PCDH15: variants seen among roughly 807,000 people sequenced by gnomAD.
PCDH15 encodes the protein protocadherin-15.
Under a neutral mutation model 178.5 loss-of-function variants are expected in PCDH15, and 129 were observed. That is an observed-to-expected ratio of 0.72 (90% confidence interval 0.63 to 0.84). The LOEUF (loss-of-function observed/expected upper bound fraction) is 0.84. Ranked by LOEUF, PCDH15 falls within the 40% of genes least tolerant of loss-of-function variation. The pLI, the probability that PCDH15 is intolerant of heterozygous loss-of-function variation, is 0.00. For missense variants in PCDH15, 2,230 were observed against 2,099.9 expected (o/e 1.06, Z -1.21); for synonymous variants, 800 against 732.0 (o/e 1.09, Z -1.50).
At chr10:54,078,787 AG>A (rs1244352292) in intron 17 of PCDH15, among the ~76,000 whole-genome samples, 2 of 152,096 alleles carry the variant, frequency 1.3e-5, no homozygotes, top group African/African-American at 4.8e-5. Context: ...TTAGGTCCAA[AG>A]GAAATAGAAT....
chr10:55,595,290 G>A (rs1289510795), intron 2 of PCDH15, among the ~76,000 whole-genome samples: 2 of 151,900 alleles, frequency 1.3e-5, no homozygotes, highest in African/African-American at 4.8e-5. Context: ...TGGTAGGTGA[G>A]AGTCTATTTC....
chr10:55,200,780 G>A (rs1840223592), intron 1 of PCDH15, among the ~76,000 whole-genome samples: 1 of 152,040 alleles, frequency 6.6e-6, no homozygotes, highest in South Asian at 2.1e-4. Context: ...ATGAGATTTG[G>A]TTGTTTGAAA....
At chr10:55,346,341 C>A (rs180824135) in intron 2 of PCDH15, among the ~76,000 whole-genome samples, 1 of 152,258 alleles carries the variant, frequency 6.6e-6, no homozygotes, top group African/African-American at 2.4e-5. Context: ...CTGAATCTTT[C>A]TCCTACAATC....
chr10:54,891,788 G>A (rs1302699983), intron 3 of PCDH15, among the ~76,000 whole-genome samples: 1 of 152,124 alleles, frequency 6.6e-6, no homozygotes, highest in East Asian at 1.9e-4. Context: ...GCAAGGACAG[G>A]TGGTTTTGAA....
At position 54,090,043 on chromosome 10, in the gene PCDH15, G is replaced by T; in HGVS notation, c.1938C>A (p.Asp646Glu). ...LNLQATDREG[D>E]SITYAIENGD... ...CATTCTCAATGGCATATGTTATTGA[G>T]TCTCCCTCTCGATCAGTTGCCTTCA... Residue 646 changes from aspartate to glutamate, a missense_variant, in exon 16 of 38, where the codon GAC (aspartate) becomes GAA (glutamate). By Grantham distance (45) the Asp-to-Glu change is conservative. Coordinates refer to ENST00000644397, the MANE Select transcript of PCDH15 (RefSeq NM_001384140.1). 1 of 1,612,008 alleles carries T rather than the reference G, an allele frequency of 6.2e-7. No homozygotes were observed. Among genetic ancestry groups the T allele is most frequent in the South Asian group, 1.1e-5 (1 of 91,060 alleles).
chr10:54,900,860 C>T (rs1380641710), intron 2 of PCDH15, among the ~76,000 whole-genome samples: 4 of 152,084 alleles, frequency 2.6e-5, no homozygotes, highest in African/African-American at 4.8e-5. Flanking sequence ...AAGCTCTCCC[C>T]TTTATCTTGT....
At chr10:54,515,315 C>G (rs950912955) in intron 3 of PCDH15, among the ~76,000 whole-genome samples, 2 of 152,342 alleles carry the variant, frequency 1.3e-5, no homozygotes, top group South Asian at 2.1e-4. Flanking sequence ...AAACGGCACA[C>G]CAGGAGATTA....
intron 2 of PCDH15, among the ~76,000 whole-genome samples, chr10:55,414,528 T>G (rs1838427026): frequency 6.6e-6 from 1 of 151,676 alleles, no homozygotes; most frequent in South Asian, 2.1e-4. Flanking sequence ...GAATACGTTT[T>G]TACTTATTTA....
intron 19 of PCDH15, among the ~76,000 whole-genome samples, chr10:54,021,353 G>A (rs540164371): frequency 2.6e-4 from 39 of 151,990 alleles, no homozygotes; most frequent in African/African-American, 9.2e-4. Context: ...CTCAGCCTTG[G>A]TCTCCTCCAA....
At chr10:54,826,588 GA>G (rs1230463191) in intron 3 of PCDH15, among the ~76,000 whole-genome samples, 2 of 151,728 alleles carry the variant, frequency 1.3e-5, no homozygotes, top group Non-Finnish European at 2.9e-5. Flanking sequence ...AAAGGAGTTG[GA>G]AAATCTAATT....
chr10:54,075,301 C>T (rs183589042), intron 17 of PCDH15, among the ~76,000 whole-genome samples: 46 of 152,002 alleles, frequency 3.0e-4, no homozygotes, highest in African/African-American at 9.9e-4. Context: ...GGCCTGAACC[C>T]GGGAGGCGGA....
At chr10:55,184,464 A>T (rs1190806015) in intron 1 of PCDH15, among the ~76,000 whole-genome samples, 2 of 152,000 alleles carry the variant, frequency 1.3e-5, no homozygotes, top group African/African-American at 4.8e-5. Flanking sequence ...ACTCCCCAAA[A>T]ATGCATTTAT....
chr10:55,519,089 G>A (rs1433781076), intron 2 of PCDH15, among the ~76,000 whole-genome samples: 10 of 69,450 alleles, frequency 1.4e-4, no homozygotes, highest in African/African-American at 6.3e-4. Context: ...GTGAGATTTC[G>A]TCTCAAAAAA....
At chr10:53,871,295 C>G (rs1285371413) in intron 26 of PCDH15, among the ~76,000 whole-genome samples, 2 of 151,960 alleles carry the variant, frequency 1.3e-5, no homozygotes, top group African/African-American at 4.8e-5. Context: ...GAGCCAAGAT[C>G]GCGCCACAGC....
intron 1 of PCDH15, among the ~76,000 whole-genome samples, chr10:55,286,028 A>G (rs1275614232): frequency 6.6e-6 from 1 of 151,996 alleles, no homozygotes; most frequent in Non-Finnish European, 1.5e-5. Context: ...AACAGCTGTG[A>G]TGATAAATCT....
At chr10:54,839,278 A>G (rs558919903) in intron 3 of PCDH15, among the ~76,000 whole-genome samples, 1 of 152,276 alleles carries the variant, frequency 6.6e-6, no homozygotes, top group African/African-American at 2.4e-5. Context: ...TGAAGAAAAA[A>G]CAATCCATAA....
chr10:55,604,702 A>G (rs1196302377), intron 2 of PCDH15, among the ~76,000 whole-genome samples: 2 of 145,300 alleles, frequency 1.4e-5, no homozygotes, highest in Non-Finnish European at 3.0e-5. Flanking sequence ...ACCAACGAGA[A>G]CAAAGACACA....
intron 1 of PCDH15, among the ~76,000 whole-genome samples, chr10:55,308,316 T>C (rs559221910): frequency 4.5e-4 from 69 of 152,132 alleles, no homozygotes; most frequent in Non-Finnish European, 7.2e-4. Flanking sequence ...AACTAGAGAA[T>C]GGAAGTTGGC....
At chr10:55,254,533 T>C (rs1039223675) in intron 1 of PCDH15, among the ~76,000 whole-genome samples, 14 of 152,150 alleles carry the variant, frequency 9.2e-5, no homozygotes, top group African/African-American at 3.1e-4. Flanking sequence ...AGGATTCAAT[T>C]GAACAGAAGT....
Sources: gnomAD v4.1 joint callset for allele counts (sites outside exome capture counted in the v4.1 genomes callset) on GRCh38, gnomAD v4.1.1 for gene constraint, MANE v1.5 for transcripts, NCBI Gene and HGNC (gene_info 2026-07-23, HGNC 2026-07-21) for gene names.